The following TUBB3 variants were observed in gnomAD, a reference collection of about 807,000 sequenced individuals.
The protein encoded by TUBB3 is tubulin beta-3 chain.
In TUBB3, 17 loss-of-function variants were observed where a neutral mutation model predicts 37.8. The ratio of observed to expected loss-of-function variants is 0.45; its 90% confidence interval spans 0.31 to 0.67. The LOEUF (loss-of-function observed/expected upper bound fraction) is 0.67, where lower values mean the gene tolerates loss of function less well. TUBB3 is among the 30% of genes least tolerant of loss of function. The pLI, the probability that TUBB3 is intolerant of heterozygous loss-of-function variation, is 0.07. For missense variants in TUBB3, 262 were observed against 657.9 expected (o/e 0.40, Z 6.58); for synonymous variants, 332 against 278.9 (o/e 1.19, Z -1.90).
At chr16:89,934,067 C>T (rs1243253724) in intron 3 of TUBB3, 25 of 335,144 alleles carry the variant, frequency 7.5e-5, no homozygotes, top group Middle Eastern at 1.0e-3. Flanking sequence ...GGGGCGGGGC[C>T]GTGGATGCCA....
chr16:89,923,943 C>G (rs888779595), intron 1 of TUBB3, among the ~76,000 whole-genome samples: 2 of 152,140 alleles, frequency 1.3e-5, no homozygotes, highest in Non-Finnish European at 2.9e-5. Context: ...AGAGCCGCCC[C>G]GATTTCCCCA....
At chr16:89,929,621 G>C (rs1273019690) in intron 1 of TUBB3, among the ~76,000 whole-genome samples, 1 of 152,232 alleles carries the variant, frequency 6.6e-6, no homozygotes, top group Non-Finnish European at 1.5e-5. Flanking sequence ...GCTCCTCCCA[G>C]TCTGGGGCCC....
chr16:89,923,012 C>G (rs946706081), upstream of TUBB3, among the ~76,000 whole-genome samples: 3 of 152,244 alleles, frequency 2.0e-5, no homozygotes, highest in African/African-American at 7.2e-5. Flanking sequence ...AAGGGCGGAA[C>G]CGAGAGGGTA....
chr16:89,935,875 G>A lies in TUBB3; in HGVS notation c.*71G>A, dbSNP rs2030440935. On this transcript the variant is annotated 3_prime_UTR_variant, in exon 4 of 4. Coordinates refer to ENST00000315491, the MANE Select transcript of TUBB3 (RefSeq NM_006086.4). ...AGCCAGCAGTGTCTAAACCCCCGGAGCCATCTTGCTGCCGACACCCTGCTT... is the reference window on the plus strand; with the variant it reads ...AGCCAGCAGTGTCTAAACCCCCGGAACCATCTTGCTGCCGACACCCTGCTT... The A allele has an allele frequency of 2.6e-6, 4 of 1,527,830 alleles. No individual in the cohort carries two copies. Among genetic ancestry groups the A allele is most frequent in the Non-Finnish European group, 3.5e-6 (4 of 1,132,860 alleles). 94.6% of individuals were successfully genotyped at this position (1,527,830 alleles called of 1,614,324 possible).
chr16:89,925,152 G>A (rs139647988), intron 1 of TUBB3, among the ~76,000 whole-genome samples: 1 of 152,316 alleles, frequency 6.6e-6, no homozygotes, highest in African/African-American at 2.4e-5. Flanking sequence ...AGGCTCCACG[G>A]GTAGCAGAGG....
At chr16:89,923,192 T>C, upstream of TUBB3, 1 of 206,824 alleles carries the variant, frequency 4.8e-6, no homozygotes, top group Non-Finnish European at 9.4e-6. Context: ...GGCGCCGCAT[T>C]GCGCGCGGCG....
chr16:89,932,940 G>A, intron 2 of TUBB3: 1 of 547,742 alleles, frequency 1.8e-6, no homozygotes, highest in Non-Finnish European at 3.3e-6. Context: ...GCACAGACAG[G>A]GATGGGGCAG....
In TUBB3 at chr16:89,933,562, T is replaced by C; in HGVS notation, c.261T>C (p.Pro87=). The C allele has an allele frequency of 6.2e-7, 1 of 1,613,938 alleles. No individual in the cohort carries two copies. The highest frequency in any genetic ancestry group is 8.5e-7 in the Non-Finnish European group (1 of 1,179,830). The part of the protein sequence containing the change: ...RSGAFGHLFR[P]DNFIFGQSGA... ...GGGCCTTTGGACATCTCTTCAGGCCTGACAATTTCATCTTTGGTAAGTTCC... is the reference window on the plus strand; with the variant it reads ...GGGCCTTTGGACATCTCTTCAGGCCCGACAATTTCATCTTTGGTAAGTTCC... Residue 87 remains proline, a synonymous_variant, in exon 3 of 4, where the codon CCT becomes CCC. Transcript: ENST00000315491.
At chr16:89,930,153 GGA>G (rs1213727081) in intron 1 of TUBB3, among the ~76,000 whole-genome samples, 1 of 149,992 alleles carries the variant, frequency 6.7e-6, no homozygotes, top group East Asian at 2.0e-4. Context: ...TGCCCAGGCT[GGA>G]GTGCAGTGGC....
Position 89,934,932 on chromosome 16 carries a change from G to A in TUBB3, c.481G>A (p.Asp161Asn), listed in dbSNP as rs751259620. ...LISKVREEYP[D>N]RIMNTFSVVP... Reference sequence around the variant, plus strand: ...CAGCAAGGTGCGTGAGGAGTATCCCGACCGCATCATGAACACCTTCAGCGT... The same window carrying A: ...CAGCAAGGTGCGTGAGGAGTATCCCAACCGCATCATGAACACCTTCAGCGT... The change falls in exon 4 of 4, where the codon GAC becomes AAC. Residue 161 changes from aspartate (D) to asparagine (N), a missense_variant. By Grantham distance (23) the Asp-to-Asn change is conservative. Transcript: ENST00000315491. 7 of 1,614,158 alleles carry A rather than the reference G, an allele frequency of 4.3e-6. No individual in the cohort carries two copies. Among genetic ancestry groups the A allele is most frequent in the Admixed American group, 1.7e-5 (1 of 60,030 alleles).
chr16:89,935,924 G>A lies in TUBB3; in HGVS notation c.*120G>A. The A allele has an allele frequency of 7.7e-7, 1 of 1,303,376 alleles. No homozygotes were observed. 80.7% of individuals were successfully genotyped at this position (1,303,376 alleles called of 1,614,324 possible). A position where few individuals can be genotyped will look rare whatever the true frequency, so the allele number is the denominator to read the frequency against. ...TTTCCCCTCGCCCTAGGGCTCCCTT[G>A]CCGCCCTCCTGCAGTATTTATGGCC... is the stretch of plus-strand genomic sequence containing the variant. On this transcript the variant is annotated 3_prime_UTR_variant, in exon 4 of 4. Coordinates refer to ENST00000315491, the MANE Select transcript of TUBB3 (RefSeq NM_006086.4).
intron 1 of TUBB3, among the ~76,000 whole-genome samples, chr16:89,930,425 A>C (rs1446149792): frequency 6.7e-6 from 1 of 150,178 alleles, no homozygotes; most frequent in Non-Finnish European, 1.5e-5. Flanking sequence ...GTTTCTATTT[A>C]TTTATTATTA....
At position 89,932,370 on chromosome 16, in the gene TUBB3, G is replaced by T. The variant is rs1292230369; in HGVS notation, c.58-201G>T. 2.0e-5 allele frequency among the ~76,000 whole-genome samples: 3 copies of T among 152,338 alleles called. No individual in the cohort carries two copies. In the East Asian group the frequency reaches 5.8e-4, roughly 29 times the overall value. On this transcript the variant is annotated intron_variant, in intron 1 of 3. Coordinates refer to ENST00000315491, the MANE Select transcript of TUBB3 (RefSeq NM_006086.4). ...CCCTGGGGCTGTGGTCGGCCTGGAC[G>T]TGTAGGTGTGGAGGTGCATATTTAT...
chr16:89,934,642 C>T lies in TUBB3; in HGVS notation c.278-87C>T, dbSNP rs980521924. ...CAGAACAGGCATGGGGCTGCCACGG[C>T]TGCCCTTGGGATGTTCAGGCAGGGG... On this transcript the variant is annotated intron_variant, in intron 3 of 3. Transcript: ENST00000315491. The T allele has an allele frequency of 4.4e-6, 6 of 1,351,966 alleles. No individual in the cohort carries two copies. The African/African-American group carries it at 8.6e-5, about 19-fold the overall frequency. 83.7% of individuals were successfully genotyped at this position (1,351,966 alleles called of 1,614,324 possible). A position where few individuals can be genotyped will look rare whatever the true frequency, so the allele number is the denominator to read the frequency against.
chr16:89,926,743 G>C (rs1430975167), intron 1 of TUBB3, among the ~76,000 whole-genome samples: 12 of 150,986 alleles, frequency 7.9e-5, no homozygotes, highest in African/African-American at 2.9e-4. Flanking sequence ...TTTAGATGGA[G>C]TTTGGCTCTT....
chr16:89,929,293 G>A (rs558681350), intron 1 of TUBB3, among the ~76,000 whole-genome samples: 3 of 152,122 alleles, frequency 2.0e-5, no homozygotes, highest in South Asian at 4.2e-4. Flanking sequence ...AAAATTTAAC[G>A]CAAAAAGAAT....
chr16:89,928,408 G>A (rs2030161686), intron 1 of TUBB3, among the ~76,000 whole-genome samples: 2 of 151,752 alleles, frequency 1.3e-5, no homozygotes, highest in Non-Finnish European at 2.9e-5. Context: ...ACTCAGGCTG[G>A]AGTGCAGTGG....
chr16:89,931,390 G>A (rs571982538), intron 1 of TUBB3, among the ~76,000 whole-genome samples: 30 of 152,338 alleles, frequency 2.0e-4, no homozygotes, highest in Non-Finnish European at 2.4e-4. Flanking sequence ...GAGGAGTAAG[G>A]GCAAGGGGCA....
intron 1 of TUBB3, 46 bp from the exon 2 acceptor site, chr16:89,932,525 G>T (rs747435169): frequency 3.3e-6 from 5 of 1,526,790 alleles, no homozygotes; most frequent in South Asian, 1.1e-5. Flanking sequence ...GGCCTGGCTG[G>T]GGCTATGGGC....
Sources: gnomAD v4.1 joint callset for allele counts (sites outside exome capture counted in the v4.1 genomes callset) on GRCh38, gnomAD v4.1.1 for gene constraint, MANE v1.5 for transcripts, NCBI Gene and HGNC (gene_info 2026-07-23, HGNC 2026-07-21) for gene names.